DCLK1: variants seen among roughly 807,000 people sequenced by gnomAD.
DCLK1 encodes the protein doublecortin like kinase 1.
In DCLK1, 16 loss-of-function variants were observed where a neutral mutation model predicts 86.2. That is an observed-to-expected ratio of 0.19 (90% CI 0.13 to 0.28). The LOEUF is 0.28. DCLK1 is among the 10% of genes least tolerant of loss of function. The pLI, the probability that DCLK1 is intolerant of heterozygous loss-of-function variation, is 1.00. For synonymous variants in DCLK1, 369 were observed against 370.5 expected, an observed-to-expected ratio of 1.00 and a Z score of 0.05; for missense variants, 590 against 940.2, an observed-to-expected ratio of 0.63 and a Z score of 4.87.
chr13:35,813,991 T>G (rs2148416), intron 11 of DCLK1, among the ~76,000 whole-genome samples: 25,177 of 151,916 alleles, frequency 0.17, 3,199 homozygotes, highest in African/African-American at 0.35. Flanking sequence ...GGTCACTCTG[T>G]TTTTTTTCTC....
chr13:35,998,845 A>G (rs1311020913), intron 3 of DCLK1, among the ~76,000 whole-genome samples: 1 of 152,218 alleles, frequency 6.6e-6, no homozygotes, highest in Non-Finnish European at 1.5e-5. Context: ...GCTACAACAG[A>G]TACTGAACAT....
At chr13:35,986,713 G>C (rs1593794403) in intron 3 of DCLK1, among the ~76,000 whole-genome samples, 1 of 152,166 alleles carries the variant, frequency 6.6e-6, no homozygotes, top group African/African-American at 2.4e-5. Flanking sequence ...TAGGGCAGGG[G>C]AGGGGTTGGA....
At chr13:35,874,991 C>T (rs1233013584) in intron 4 of DCLK1, among the ~76,000 whole-genome samples, 1 of 152,200 alleles carries the variant, frequency 6.6e-6, no homozygotes, top group African/African-American at 2.4e-5. Context: ...TGCCAAGCAT[C>T]GAGAGCTGCA....
chr13:36,131,443 C>CCCTCCT (rs777326956), upstream of DCLK1: 5 of 175,810 alleles, frequency 2.8e-5, no homozygotes, highest in South Asian at 3.3e-4. Context: ...CCTCCCGTCT[C>CCCTCCT]CCTCCTCCTC....
chr13:35,863,916 A>C (rs769950079), intron 5 of DCLK1, among the ~76,000 whole-genome samples: 2 of 152,228 alleles, frequency 1.3e-5, no homozygotes, highest in Non-Finnish European at 2.9e-5. Flanking sequence ...GAATAAAAAG[A>C]CTTCAGGATT....
In DCLK1 at chr13:35,770,874, T is replaced by C. The variant is rs986930949; in HGVS notation, c.*3661A>G. The C allele has an allele frequency of 6.6e-6, 1 of 152,158 alleles. No homozygotes were observed. The highest frequency in any genetic ancestry group is 2.4e-5 in the African/African-American group (1 of 41,440). The allele number at this position is 152,158 out of a possible 1,614,324, so 9.4% of individuals were successfully genotyped here. ...GGAAGAAGTTGGAAAGAGAAGGAAG[T>C]AAACCTTCACTCTTTGGTACAGCCC... On this transcript the variant is annotated 3_prime_UTR_variant, in exon 17 of 17. Transcript: ENST00000360631.
At chr13:36,103,249 A>G (rs1187218646) in intron 3 of DCLK1, among the ~76,000 whole-genome samples, 1 of 151,910 alleles carries the variant, frequency 6.6e-6, no homozygotes, top group Non-Finnish European at 1.5e-5. Flanking sequence ...AAAAATACAA[A>G]AATTAGCTGG....
At chr13:35,983,287 C>T (rs190418884) in intron 3 of DCLK1, among the ~76,000 whole-genome samples, 194 of 152,270 alleles carry the variant, frequency 1.3e-3, no homozygotes, top group Non-Finnish European at 2.3e-3. Flanking sequence ...CAACCCAGAA[C>T]TCTTCAGAAA....
At chr13:35,793,076 C>T (rs1413423639) in intron 16 of DCLK1, among the ~76,000 whole-genome samples, 9 of 152,144 alleles carry the variant, frequency 5.9e-5, no homozygotes, top group Admixed American at 3.3e-4. Context: ...TGCATTGGCA[C>T]AGAGTCCAGC....
chr13:35,848,973 T>C lies in DCLK1; in HGVS notation c.1035+5526A>G, dbSNP rs527674185. The C allele has an allele frequency of 3.1e-4, 302 of 985,364 alleles. No individual in the cohort carries two copies. In the Middle Eastern group the frequency reaches 7.3e-3, roughly 24 times the overall value. 61.0% of individuals were successfully genotyped at this position (985,364 alleles called of 1,614,324 possible). On this transcript the variant is annotated intron_variant, in intron 6 of 16. Coordinates refer to ENST00000360631, the MANE Select transcript of DCLK1 (RefSeq NM_001330071.2). ...CTGGTCATTTCTATTGGAAACAGTT[T>C]TAAAACCTGAAGTCTGGAACAGGTA... is the stretch of plus-strand genomic sequence containing the variant.
chr13:35,804,269 T>C (rs1178724678), intron 15 of DCLK1, among the ~76,000 whole-genome samples: 2 of 150,214 alleles, frequency 1.3e-5, no homozygotes, highest in Admixed American at 1.3e-4. Context: ...TAGCTGGGAT[T>C]ACAGGCGCAT....
intron 3 of DCLK1, among the ~76,000 whole-genome samples, chr13:35,966,282 C>T (rs902383359): frequency 6.6e-6 from 1 of 152,164 alleles, no homozygotes; most frequent in African/African-American, 2.4e-5. Flanking sequence ...AATTCCACTT[C>T]TGGGTATATG....
chr13:36,015,920 A>T (rs752978956), intron 3 of DCLK1, among the ~76,000 whole-genome samples: 1 of 152,218 alleles, frequency 6.6e-6, no homozygotes, highest in Non-Finnish European at 1.5e-5. Context: ...CACTTCTGCA[A>T]ATCCAAGCAT....
At chr13:36,012,539 A>C (rs1466770775) in intron 3 of DCLK1, among the ~76,000 whole-genome samples, 1 of 144,534 alleles carries the variant, frequency 6.9e-6, no homozygotes. Context: ...TTTCTTTAAG[A>C]ATGTTGAATA....
chr13:35,876,019 A>G (rs1031229922), intron 4 of DCLK1, among the ~76,000 whole-genome samples: 4 of 152,148 alleles, frequency 2.6e-5, no homozygotes, highest in African/African-American at 4.8e-5. Context: ...GGAAATGTCT[A>G]TCGGTGTCCA....
At chr13:35,793,525 A>T in intron 15 of DCLK1, 46 bp from the exon 16 acceptor site, 1 of 1,471,942 alleles carries the variant, frequency 6.8e-7, no homozygotes, top group Non-Finnish European at 9.3e-7. Flanking sequence ...AGAAAATGAG[A>T]TAAATGAAAA....
At chr13:35,852,543 T>C (rs1221604746) in intron 6 of DCLK1, among the ~76,000 whole-genome samples, 2 of 152,218 alleles carry the variant, frequency 1.3e-5, no homozygotes, top group Non-Finnish European at 2.9e-5. Context: ...CTCTCAAGTA[T>C]GGTGTTTGCA....
At chr13:35,836,182 A>T in intron 7 of DCLK1, 41 bp from the exon 8 acceptor site, 1 of 1,489,244 alleles carries the variant, frequency 6.7e-7, no homozygotes, top group South Asian at 1.2e-5. Context: ...TTGAAAAGGG[A>T]ACACAGATGT....
At chr13:35,913,373 C>T (rs998203876) in intron 4 of DCLK1, among the ~76,000 whole-genome samples, 1 of 151,980 alleles carries the variant, frequency 6.6e-6, no homozygotes, top group African/African-American at 2.4e-5. Flanking sequence ...AATATTCATA[C>T]CCAGTGCTCT....
Sources: gnomAD v4.1 joint callset for allele counts (sites outside exome capture counted in the v4.1 genomes callset) on GRCh38, gnomAD v4.1.1 for gene constraint, MANE v1.5 for transcripts, NCBI Gene and HGNC (gene_info 2026-07-23, HGNC 2026-07-21) for gene names.